The following RAB3IP variants were observed in gnomAD, a reference collection of about 807,000 sequenced individuals.
RAB3IP encodes the protein rab-3A-interacting protein.
A neutral mutation model predicts 59.1 loss-of-function variants in RAB3IP; 36 were observed. The observed-to-expected ratio is 0.61, with a 90% CI of 0.47 to 0.80. The LOEUF (loss-of-function observed/expected upper bound fraction) is 0.80. RAB3IP is among the 30% of genes least tolerant of loss of function. RAB3IP has a pLI of 0.00. For synonymous variants in RAB3IP, 207 were observed against 191.2 expected (o/e 1.08, Z -0.68); for missense variants, 511 against 536.0 (o/e 0.95, Z 0.46).
chr12:69,809,765 A>T (rs1880105739), intron 8 of RAB3IP, among the ~76,000 whole-genome samples: 2 of 151,834 alleles, frequency 1.3e-5, no homozygotes, highest in Non-Finnish European at 2.9e-5. Context: ...TCCTTTAAGG[A>T]CTTCTCTGCA....
chr12:69,756,299 A>G (rs1870200769), intron 2 of RAB3IP, 106 bp from the exon 3 acceptor site: 1 of 1,157,376 alleles, frequency 8.6e-7, no homozygotes, highest in Non-Finnish European at 1.2e-6. Context: ...TTATTTAAAT[A>G]TAGAAGCTAC....
intron 3 of RAB3IP, among the ~76,000 whole-genome samples, chr12:69,764,921 T>A (rs1428923899): frequency 6.6e-6 from 1 of 152,202 alleles, no homozygotes; most frequent in Non-Finnish European, 1.5e-5. Flanking sequence ...TGAGATTGTG[T>A]TCTTGATTTG....
chr12:69,740,012 G>A lies in RAB3IP; in HGVS notation c.-26+981G>A, dbSNP rs527910704. The A allele has an allele frequency of 9.4e-5, 68 of 720,542 alleles. No individual in the cohort carries two copies. In the South Asian group the frequency reaches 1.1e-3, roughly 11 times the overall value. 44.6% of individuals were successfully genotyped at this position (720,542 alleles called of 1,614,324 possible). A position where few individuals can be genotyped will look rare whatever the true frequency, so the allele number is the denominator to read the frequency against. On this transcript the variant is annotated intron_variant, in intron 1 of 10. Coordinates refer to ENST00000247833, the MANE Select transcript of RAB3IP (RefSeq NM_022456.5). ...CCCCAACTCCTTCCGTTCAGTGTCG[G>A]GTTAAAAGCCTTGTAATCTCTTGCA...
intron 8 of RAB3IP, among the ~76,000 whole-genome samples, chr12:69,809,366 C>T (rs1880020932): frequency 6.6e-6 from 1 of 152,124 alleles, no homozygotes; most frequent in Non-Finnish European, 1.5e-5. Context: ...GTGAATCTGA[C>T]AATTATGTGT....
At chr12:69,772,984 T>C (rs1181342168) in intron 3 of RAB3IP, among the ~76,000 whole-genome samples, 1 of 152,188 alleles carries the variant, frequency 6.6e-6, no homozygotes, top group Non-Finnish European at 1.5e-5. Flanking sequence ...ATAATTCTGA[T>C]GGTATTGAAT....
chr12:69,754,327 A>G (rs887112215), intron 1 of RAB3IP, among the ~76,000 whole-genome samples: 2 of 118,660 alleles, frequency 1.7e-5, no homozygotes, highest in Admixed American at 2.0e-4. Context: ...ACACACACAC[A>G]TACACAGATA....
intron 6 of RAB3IP, chr12:69,796,366 A>G (rs2136233819): frequency 3.9e-6 from 1 of 255,764 alleles, no homozygotes; most frequent in East Asian, 6.7e-5. Flanking sequence ...GAAATAATAT[A>G]TAAATATTTT....
chr12:69,807,829 C>T (rs574644841), intron 8 of RAB3IP, among the ~76,000 whole-genome samples: 127 of 139,476 alleles, frequency 9.1e-4, no homozygotes, highest in African/African-American at 2.7e-3. Flanking sequence ...ACCTCCCAGA[C>T]GGGGCGGCCG....
intron 1 of RAB3IP, among the ~76,000 whole-genome samples, chr12:69,743,035 G>A (rs1046845726): frequency 6.6e-6 from 1 of 152,150 alleles, no homozygotes; most frequent in Non-Finnish European, 1.5e-5. Flanking sequence ...AATCATAATG[G>A]CAGTTGATGA....
At chr12:69,753,669 C>G (rs1869703906) in intron 1 of RAB3IP, among the ~76,000 whole-genome samples, 1 of 151,974 alleles carries the variant, frequency 6.6e-6, no homozygotes, top group South Asian at 2.1e-4. Flanking sequence ...TTTCTAAGTT[C>G]CGGGAAGATG....
chr12:69,766,513 TTTTTC>T (rs1297321608), intron 3 of RAB3IP, among the ~76,000 whole-genome samples: 2 of 126,758 alleles, frequency 1.6e-5, no homozygotes, highest in Non-Finnish European at 3.2e-5. Context: ...CTCTGATTTC[TTTTTC>T]TTTTCTTTTC....
At chr12:69,811,823 C>G (rs1485540654) in intron 8 of RAB3IP, among the ~76,000 whole-genome samples, 1 of 152,034 alleles carries the variant, frequency 6.6e-6, no homozygotes, top group Non-Finnish European at 1.5e-5. Flanking sequence ...TACAAAGGCA[C>G]TTTTGTATTA....
intron 1 of RAB3IP, chr12:69,739,759 C>G: frequency 6.7e-7 from 1 of 1,495,192 alleles, no homozygotes; most frequent in South Asian, 1.1e-5. Context: ...GACAACTCGC[C>G]CCGACCGCCC....
intron 8 of RAB3IP, among the ~76,000 whole-genome samples, chr12:69,807,923 G>A (rs960528993): frequency 1.3e-4 from 20 of 151,996 alleles, no homozygotes; most frequent in Non-Finnish European, 2.8e-4. Flanking sequence ...GGGCGGAGGC[G>A]CTCCTCACCT....
At chr12:69,760,975 TC>T (rs1487694949) in intron 3 of RAB3IP, among the ~76,000 whole-genome samples, 1 of 152,204 alleles carries the variant, frequency 6.6e-6, no homozygotes, top group African/African-American at 2.4e-5. Flanking sequence ...CTTTATATCT[TC>T]AAAAAGTTTT....
chr12:69,740,339 T>C (rs946466517), intron 1 of RAB3IP, among the ~76,000 whole-genome samples: 2 of 152,250 alleles, frequency 1.3e-5, no homozygotes, highest in Non-Finnish European at 2.9e-5. Flanking sequence ...ATAGGACTTT[T>C]CATGTTTGGA....
chr12:69,739,978 C>T (rs1448229998), intron 1 of RAB3IP: 8 of 974,384 alleles, frequency 8.2e-6, no homozygotes, highest in Non-Finnish European at 1.3e-5. Context: ...TATACACTCT[C>T]CTGTTTCACC....
chr12:69,771,014 C>G (rs1384992270), intron 3 of RAB3IP, among the ~76,000 whole-genome samples: 1 of 152,200 alleles, frequency 6.6e-6, no homozygotes, highest in African/African-American at 2.4e-5. Context: ...CTACTCCTCC[C>G]TACTCTTCCC....
rs1452748502 is a variant in RAB3IP, at chr12:69,819,727, C to T, written c.*4281C>T. The T allele has an allele frequency of 6.6e-6, 1 of 152,244 alleles. No individual in the cohort carries two copies. Among genetic ancestry groups the T allele is most frequent in the African/African-American group, 2.4e-5 (1 of 41,434 alleles). The allele number at this position is 152,244 out of a possible 1,614,324, so 9.4% of individuals were successfully genotyped here. On this transcript the variant is annotated 3_prime_UTR_variant, in exon 11 of 11. Transcript: ENST00000247833. ...TCTAAAGAAGAGGAGGACTCTTGGA[C>T]AAGTTTTTAGAAGTTGGTTTGGAGC...
Sources: allele counts gnomAD v4.1 joint callset (sites outside exome capture counted in the v4.1 genomes callset), GRCh38; gene constraint gnomAD v4.1.1; transcripts MANE v1.5; gene names NCBI Gene and HGNC (gene_info 2026-07-23, HGNC 2026-07-21).